The following STK38L variants were observed in gnomAD, a reference collection of about 807,000 sequenced individuals.
STK38L encodes serine/threonine kinase 38 like, also known as serine/threonine-protein kinase 38-like.
STK38L carries 28 observed loss-of-function variants against 59.7 expected under a neutral mutation model. That is an observed-to-expected ratio of 0.47 (90% CI 0.35 to 0.64). The LOEUF (loss-of-function observed/expected upper bound fraction) is 0.64, where lower values mean the gene tolerates loss of function less well. Among genes scored for constraint, STK38L ranks in the 30% least tolerant of loss-of-function variants. The pLI, the probability that STK38L is intolerant of heterozygous loss-of-function variation, is 0.01. For missense variants in STK38L, 314 were observed against 555.8 expected (o/e 0.56, Z 4.37); for synonymous variants, 162 against 176.8 (o/e 0.92, Z 0.66).
Position 27,322,369 on chromosome 12 carries a change from G to C in STK38L, c.1309G>C (p.Val437Leu). 9 of 1,613,986 alleles carry C rather than the reference G, an allele frequency of 5.6e-6. No homozygotes were observed. The highest frequency in any genetic ancestry group is 5.9e-6 in the Non-Finnish European group (7 of 1,179,932). ...TEPDYKSKDW[V>L]FLNYTYKRFE... The stretch of plus-strand genomic sequence containing the variant: ...ACCGGACTACAAATCCAAAGACTGG[G>C]TTTTTCTCAATTATACCTATAAAAG... The change falls in exon 14 of 14, where the codon GTT (valine) becomes CTT (leucine). Residue 437 changes from valine (V) to leucine (L), a missense_variant. Transcript: ENST00000389032.
At chr12:27,286,140 T>A (rs186359920) in intron 1 of STK38L, among the ~76,000 whole-genome samples, 2 of 152,178 alleles carry the variant, frequency 1.3e-5, no homozygotes, top group Non-Finnish European at 2.9e-5. Context: ...TCTTTGCTGT[T>A]CTCCACTAAA....
At chr12:27,261,516 A>C (rs1305348758) in intron 1 of STK38L, among the ~76,000 whole-genome samples, 1 of 152,232 alleles carries the variant, frequency 6.6e-6, no homozygotes, top group African/African-American at 2.4e-5. Context: ...TTCTGCAACA[A>C]ATAATTGACC....
intron 3 of STK38L, among the ~76,000 whole-genome samples, chr12:27,303,050 T>C (rs1365816629): frequency 6.7e-6 from 1 of 149,388 alleles, no homozygotes; most frequent in Non-Finnish European, 1.5e-5. Context: ...ATACCTTCAC[T>C]ACTTGGCCTC....
chr12:27,291,019 C>T (rs10842897), intron 1 of STK38L, among the ~76,000 whole-genome samples: 58,916 of 151,932 alleles, frequency 0.39, 11,629 homozygotes, highest in Admixed American at 0.46. Flanking sequence ...CTCCCTGTAC[C>T]AGCATAATCT....
At position 27,260,669 on chromosome 12, in the gene STK38L, C is replaced by A. The variant is rs543449823; in HGVS notation, c.-12+16337C>A. 2.6e-5 allele frequency among the ~76,000 whole-genome samples: 4 copies of A among 152,272 alleles called. No homozygotes were observed. The East Asian group carries it at 7.7e-4, about 29-fold the overall frequency. ...CCTCCCTTCAGATTTCTAAATCATT[C>A]TTTTTCATCTCATTCAAACCTCCTT... On this transcript the variant is annotated intron_variant, in intron 1 of 13. Coordinates refer to ENST00000389032, the MANE Select transcript of STK38L (RefSeq NM_015000.4).
At chr12:27,286,842 G>T (rs1233901232) in intron 1 of STK38L, among the ~76,000 whole-genome samples, 2 of 152,116 alleles carry the variant, frequency 1.3e-5, no homozygotes, top group East Asian at 3.8e-4. Flanking sequence ...CCTCACTAAG[G>T]GGGTGTTTTC....
Position 27,312,492 on chromosome 12 carries a change from G to A in STK38L, c.394-57G>A. On this transcript the variant is annotated intron_variant, in intron 5 of 13. Transcript: ENST00000389032. ...ATGGATGGATAAGTGTAAGAGATGA[G>A]TTTAACAAATGTGTGATGTATTTAC... 3.2e-6 allele frequency: 5 copies of A among 1,584,626 alleles called. No individual in the cohort carries two copies. In the Admixed American group the frequency reaches 8.7e-5, roughly 28 times the overall value.
chr12:27,312,767 G>C (rs989995156), intron 6 of STK38L, 95 bp downstream of exon 6: 4 of 1,446,216 alleles, frequency 2.8e-6, no homozygotes, highest in Non-Finnish European at 2.8e-6. Flanking sequence ...TATATTCTTT[G>C]CTCTGAGGCT....
At chr12:27,251,038 G>T (rs1346562212) in intron 1 of STK38L, among the ~76,000 whole-genome samples, 1 of 149,696 alleles carries the variant, frequency 6.7e-6, no homozygotes, top group African/African-American at 2.5e-5. Flanking sequence ...TTCAGATCAG[G>T]TTTGCTCTCT....
intron 6 of STK38L, among the ~76,000 whole-genome samples, chr12:27,313,278 G>A (rs1944503385): frequency 6.6e-6 from 1 of 151,572 alleles, no homozygotes; most frequent in African/African-American, 2.4e-5. Flanking sequence ...ACCTGAGACT[G>A]TGTAATTTAT....
At chr12:27,280,449 C>A (rs1038319482) in intron 1 of STK38L, among the ~76,000 whole-genome samples, 2 of 152,142 alleles carry the variant, frequency 1.3e-5, no homozygotes, top group Non-Finnish European at 2.9e-5. Context: ...GATGTAAGAA[C>A]GCTCTGATTG....
At chr12:27,300,653 G>A in intron 2 of STK38L, 1 of 455,488 alleles carries the variant, frequency 2.2e-6, no homozygotes, top group Non-Finnish European at 4.4e-6. Context: ...CTTGTCTAAG[G>A]GTTGGGGCCT....
chr12:27,272,923 T>C (rs1943454962), intron 1 of STK38L, among the ~76,000 whole-genome samples: 1 of 152,096 alleles, frequency 6.6e-6, no homozygotes, highest in African/African-American at 2.4e-5. Context: ...CAGTTAAATG[T>C]GGACTGTAAA....
At chr12:27,310,165 G>T (rs1436471811) in intron 5 of STK38L, among the ~76,000 whole-genome samples, 1 of 152,102 alleles carries the variant, frequency 6.6e-6, no homozygotes, top group East Asian at 1.9e-4. Context: ...AAGGTAATAG[G>T]AACCATCAGG....
chr12:27,251,133 T>C (rs1942967368), intron 1 of STK38L, among the ~76,000 whole-genome samples: 1 of 152,212 alleles, frequency 6.6e-6, no homozygotes. Context: ...AAGTTTTCTT[T>C]CTTCTCTTTT....
At chr12:27,287,493 C>T (rs1943799651) in intron 1 of STK38L, among the ~76,000 whole-genome samples, 1 of 152,134 alleles carries the variant, frequency 6.6e-6, no homozygotes, top group Non-Finnish European at 1.5e-5. Context: ...ACAGTATATA[C>T]ATATGTATAT....
intron 1 of STK38L, among the ~76,000 whole-genome samples, chr12:27,270,101 A>G (rs775059622): frequency 7.9e-5 from 12 of 152,224 alleles, no homozygotes; most frequent in Non-Finnish European, 1.2e-4. Flanking sequence ...TACTGGGATT[A>G]TTTCGAAGAC....
chr12:27,287,542 A>G (rs572302172), intron 1 of STK38L, among the ~76,000 whole-genome samples: 58 of 152,300 alleles, frequency 3.8e-4, no homozygotes, highest in African/African-American at 1.3e-3. Context: ...ACAAGTTTTC[A>G]TTGTACTGAT....
chr12:27,274,782 C>T (rs1002482477), intron 1 of STK38L, among the ~76,000 whole-genome samples: 1 of 152,176 alleles, frequency 6.6e-6, no homozygotes, highest in African/African-American at 2.4e-5. Context: ...AACTTGTTAC[C>T]TTTATTGTAC....
Sources: gnomAD v4.1 joint callset for allele counts (sites outside exome capture counted in the v4.1 genomes callset) on GRCh38, gnomAD v4.1.1 for gene constraint, MANE v1.5 for transcripts, NCBI Gene and HGNC (gene_info 2026-07-23, HGNC 2026-07-21) for gene names.